The following SULF2 variants were observed in gnomAD, a reference collection of about 807,000 sequenced individuals.
SULF2 encodes the protein sulfatase 2.
SULF2 carries 52 observed loss-of-function variants against 107.7 expected under a neutral mutation model. The observed-to-expected ratio is 0.48, with a 90% CI of 0.39 to 0.61. SULF2 has a LOEUF of 0.61. Ranked by LOEUF, SULF2 falls within the 20% of genes least tolerant of loss-of-function variation. The pLI, the probability that SULF2 is intolerant of heterozygous loss-of-function variation, is 0.00. For synonymous variants in SULF2, 460 were observed against 464.3 expected, an observed-to-expected ratio of 0.99 and a Z score of 0.12; for missense variants, 993 against 1,177.3, an observed-to-expected ratio of 0.84 and a Z score of 2.29.
chr20:47,709,600 G>C (rs753796329), intron 3 of SULF2, among the ~76,000 whole-genome samples: 1 of 152,190 alleles, frequency 6.6e-6, no homozygotes, highest in Non-Finnish European at 1.5e-5. Flanking sequence ...TGAGGCAAAG[G>C]CATGTGACCC....
At chr20:47,665,781 C>A (rs2087244343) in intron 13 of SULF2, 76 bp downstream of exon 13, 1 of 1,267,862 alleles carries the variant, frequency 7.9e-7, no homozygotes, top group South Asian at 1.2e-5. Context: ...GGCCTCACTG[C>A]CCTCCCACTG....
chr20:47,757,470 G>A lies in SULF2; in HGVS notation c.-100-7C>T. The A allele has an allele frequency of 7.7e-7, 1 of 1,299,532 alleles. No homozygotes were observed. The allele number at this position is 1,299,532 out of a possible 1,614,324, so 80.5% of individuals were successfully genotyped here. ...TCCCTCTTCACTCGCAGATCTAGAGGAGGAGGAAGAATCAGGTCAATATTT... is the reference window on the plus strand; with the variant it reads ...TCCCTCTTCACTCGCAGATCTAGAGAAGGAGGAAGAATCAGGTCAATATTT... On this transcript the variant is annotated splice_region_variant and splice_polypyrimidine_tract_variant and intron_variant, in intron 1 of 20. Transcript: ENST00000688720.
chr20:47,774,896 G>A (rs79161680), intron 1 of SULF2, among the ~76,000 whole-genome samples: 9,646 of 152,212 alleles, frequency 0.063, 422 homozygotes, highest in East Asian at 0.16. Flanking sequence ...GAAAAAGCAG[G>A]GGTGCATTTG....
chr20:47,698,254 G>A (rs1391447965), intron 4 of SULF2, among the ~76,000 whole-genome samples: 2 of 152,188 alleles, frequency 1.3e-5, no homozygotes, highest in Non-Finnish European at 2.9e-5. Context: ...CTTATTTGGG[G>A]CTCTATTCCC....
rs377129823 is a variant in SULF2 at position 47,694,306 on chromosome 20, C to T, written c.568-4011G>A. On this transcript the variant is annotated intron_variant, in intron 4 of 20. Transcript: ENST00000688720. The surrounding 1 kb of genome is among the most constrained non-coding windows in gnomAD (Gnocchi z 4.4). The stretch of plus-strand genomic sequence containing the variant: ...GGGTGGATGTGGGGTGCGGGAGGGG[C>T]GGGTGACCCCCACCCCTGTTGGTCT... Among the ~76,000 whole-genome samples the T allele has an allele frequency of 9.9e-5, 15 of 152,100 alleles. No homozygotes were observed. In the South Asian group the frequency reaches 1.5e-3, roughly 15 times the overall value.
intron 1 of SULF2, among the ~76,000 whole-genome samples, chr20:47,784,395 G>A (rs1314471388): frequency 6.8e-6 from 1 of 147,494 alleles, no homozygotes; most frequent in Admixed American, 6.8e-5. Context: ...AAGCTTTCAA[G>A]GGGGAGGAGG....
chr20:47,727,229 C>T (rs2089468573), intron 3 of SULF2, among the ~76,000 whole-genome samples: 1 of 152,162 alleles, frequency 6.6e-6, no homozygotes. Context: ...AGTCCAATCA[C>T]TGGTGTCCTG....
At chr20:47,691,145 C>T (rs1253148549) in intron 4 of SULF2, among the ~76,000 whole-genome samples, 1 of 152,212 alleles carries the variant, frequency 6.6e-6, no homozygotes, top group Non-Finnish European at 1.5e-5. Context: ...TCTGGGGACA[C>T]TGTCATGCAG....
intron 2 of SULF2, among the ~76,000 whole-genome samples, chr20:47,745,647 G>A (rs369787588): frequency 6.6e-6 from 1 of 151,558 alleles, no homozygotes; most frequent in Admixed American, 6.6e-5. Flanking sequence ...TCCTGCCTCA[G>A]CCTCCTGAGT....
intron 1 of SULF2, among the ~76,000 whole-genome samples, chr20:47,779,336 G>C (rs1057511739): frequency 6.6e-6 from 1 of 152,172 alleles, no homozygotes; most frequent in Non-Finnish European, 1.5e-5. Context: ...CCTCGGTTGA[G>C]AATCAAAGCC....
intron 4 of SULF2, among the ~76,000 whole-genome samples, chr20:47,701,576 C>T (rs149852824): frequency 3.3e-3 from 507 of 152,304 alleles, no homozygotes; most frequent in Non-Finnish European, 5.8e-3. Flanking sequence ...CTGTGAGGAA[C>T]GGGTATAACA....
At position 47,676,826 on chromosome 20, in the gene SULF2, A is replaced by G. The variant is rs1266345859; in HGVS notation, c.1251-203T>C. On this transcript the variant is annotated intron_variant, in intron 9 of 20. Coordinates refer to ENST00000688720, the MANE Select transcript of SULF2 (RefSeq NM_001387048.1). ...TATAAGAAACTTCCCAAATTGCATG[A>G]GTTGGCAATAAATTAAATAAATTGA... 9 of 675,206 alleles carry G rather than the reference A, an allele frequency of 1.3e-5. No homozygotes were observed. The South Asian group carries it at 1.6e-4, about 12-fold the overall frequency. 41.8% of individuals were successfully genotyped at this position (675,206 alleles called of 1,614,324 possible).
chr20:47,740,874 C>T (rs1460917702), intron 2 of SULF2, among the ~76,000 whole-genome samples: 2 of 152,064 alleles, frequency 1.3e-5, no homozygotes, highest in Non-Finnish European at 2.9e-5. Context: ...ACAGCCAAGC[C>T]CTGATGTCAC....
At chr20:47,727,761 C>T (rs2089484632) in intron 3 of SULF2, among the ~76,000 whole-genome samples, 1 of 152,202 alleles carries the variant, frequency 6.6e-6, no homozygotes, top group South Asian at 2.1e-4. Context: ...CACTGCTGCA[C>T]AGATGGAGAG....
In SULF2 at chr20:47,690,211, T is replaced by C. The variant is rs146538165; in HGVS notation, c.652A>G (p.Met218Val). 22 of 1,575,264 alleles carry C rather than the reference T, an allele frequency of 1.4e-5. No individual in the cohort carries two copies. Among genetic ancestry groups the C allele is most frequent in the Admixed American group, 1.1e-4 (6 of 56,312 alleles). ...TGGGGGGCTGCATGGCTGATGACCA[T>C]GAGGACTGGCCTGTGCGGGTACATC... ...KKMYPHRPVL[M>V]VISHAAPHGP... The change falls in exon 5 of 21, where the codon ATG becomes GTG. Residue 218 changes from methionine (M) to valine (V), a missense_variant. By Grantham distance (21) the Met-to-Val change is conservative. Transcript: ENST00000688720.
chr20:47,757,835 G>A (rs58212939), intron 1 of SULF2, among the ~76,000 whole-genome samples: 3,689 of 152,186 alleles, frequency 0.024, 146 homozygotes, highest in African/African-American at 0.081. Context: ...GGTCTCAAGG[G>A]GTGAATATTT....
chr20:47,698,543 G>A (rs2088460819), intron 4 of SULF2, among the ~76,000 whole-genome samples: 1 of 152,184 alleles, frequency 6.6e-6, no homozygotes, highest in African/African-American at 2.4e-5. Flanking sequence ...CAGTCGAGCA[G>A]ACAAAAACAG....
At chr20:47,669,531 G>A (rs1453175911) in intron 11 of SULF2, among the ~76,000 whole-genome samples, 1 of 152,200 alleles carries the variant, frequency 6.6e-6, no homozygotes, top group Admixed American at 6.5e-5. Flanking sequence ...GGGACAGAAA[G>A]CCCCCAGTTC....
At chr20:47,683,427 C>T (rs1008128358) in intron 6 of SULF2, among the ~76,000 whole-genome samples, 2 of 152,244 alleles carry the variant, frequency 1.3e-5, no homozygotes, top group African/African-American at 4.8e-5. Context: ...CATCTGTGTC[C>T]CTGCCTTGGC....
Sources: gnomAD v4.1 joint callset for allele counts (sites outside exome capture counted in the v4.1 genomes callset) on GRCh38, gnomAD v4.1.1 for gene constraint, Gnocchi (gnomAD v3.1) non-coding constraint, MANE v1.5 for transcripts, NCBI Gene and HGNC (gene_info 2026-07-23, HGNC 2026-07-21) for gene names.